Variants in RHBDD1 observed in about 807,000 individuals in gnomAD.
The protein encoded by RHBDD1 is rhomboid domain containing 1, also known as rhomboid-related protein 4.
A neutral mutation model predicts 36.3 loss-of-function variants in RHBDD1; 38 were observed. That is an observed-to-expected ratio of 1.05 (90% CI 0.81 to 1.37). The LOEUF (loss-of-function observed/expected upper bound fraction) is 1.37, where lower values mean the gene tolerates loss of function less well. Ranked by LOEUF, RHBDD1 falls within the 40% of genes most tolerant of loss-of-function variation. The pLI, the probability that RHBDD1 is intolerant of heterozygous loss-of-function variation, is 0.00. For missense variants in RHBDD1, 393 were observed against 377.6 expected (o/e 1.04, Z -0.34); for synonymous variants, 151 against 136.5 (o/e 1.11, Z -0.74).
chr2:226,883,089 A>G (rs954307069), intron 5 of RHBDD1, among the ~76,000 whole-genome samples: 1 of 151,704 alleles, frequency 6.6e-6, no homozygotes, highest in Non-Finnish European at 1.5e-5. Flanking sequence ...GAGAGGACAC[A>G]GTTTGGTCCA....
At chr2:226,950,471 C>T (rs934155134) in intron 8 of RHBDD1, among the ~76,000 whole-genome samples, 29 of 152,202 alleles carry the variant, frequency 1.9e-4, no homozygotes, top group African/African-American at 4.6e-4. Context: ...AGGTTGATTA[C>T]TGGCTATTGT....
chr2:226,873,158 C>T (rs2125315023), intron 5 of RHBDD1, among the ~76,000 whole-genome samples: 1 of 152,314 alleles, frequency 6.6e-6, no homozygotes, highest in South Asian at 2.1e-4. Flanking sequence ...ATCCTGGTTA[C>T]AAATGCACAG....
At chr2:226,969,511 G>A (rs1457867008) in intron 8 of RHBDD1, among the ~76,000 whole-genome samples, 1 of 150,944 alleles carries the variant, frequency 6.6e-6, no homozygotes, top group Non-Finnish European at 1.5e-5. Flanking sequence ...TAGGGAAAGG[G>A]AGTTAAACTA....
chr2:226,821,301 A>G, the RHBDD1 span, among the ~76,000 whole-genome samples: 3 of 152,122 alleles, frequency 2.0e-5, no homozygotes, highest in Non-Finnish European at 4.4e-5. Flanking sequence ...TGCAATAGTG[A>G]CTAGTACTGG....
intron 8 of RHBDD1, among the ~76,000 whole-genome samples, chr2:226,930,307 G>T (rs1207175478): frequency 6.6e-6 from 1 of 152,010 alleles, no homozygotes; most frequent in Non-Finnish European, 1.5e-5. Context: ...TGTAAAAGTC[G>T]ATACAAAGAC....
At chr2:226,963,859 A>G (rs1459801194) in intron 8 of RHBDD1, among the ~76,000 whole-genome samples, 2 of 152,072 alleles carry the variant, frequency 1.3e-5, no homozygotes, top group East Asian at 3.9e-4. Flanking sequence ...CCAACCTCCC[A>G]TCATGAAAAC....
At chr2:226,881,935 A>G (rs939595886) in intron 5 of RHBDD1, among the ~76,000 whole-genome samples, 1 of 152,190 alleles carries the variant, frequency 6.6e-6, no homozygotes, top group South Asian at 2.1e-4. Flanking sequence ...GTTCAGTGTT[A>G]ATGAGTGGTG....
chr2:226,927,231 C>T (rs921681417), intron 8 of RHBDD1, among the ~76,000 whole-genome samples: 2 of 152,044 alleles, frequency 1.3e-5, no homozygotes, highest in Non-Finnish European at 2.9e-5. Context: ...TACTTCTTTC[C>T]CTGAGCAAAG....
intron 3 of RHBDD1, among the ~76,000 whole-genome samples, chr2:226,853,522 C>T (rs1574809377): frequency 6.6e-6 from 1 of 152,160 alleles, no homozygotes; most frequent in Non-Finnish European, 1.5e-5. Flanking sequence ...GGCTTCACGG[C>T]GGAACAGCAC....
chr2:226,936,422 G>A (rs1950333327), intron 8 of RHBDD1, among the ~76,000 whole-genome samples: 1 of 152,080 alleles, frequency 6.6e-6, no homozygotes. Context: ...TTAAAAAAGA[G>A]AGAGAGAGAT....
intron 5 of RHBDD1, among the ~76,000 whole-genome samples, chr2:226,874,944 A>G (rs1945100286): frequency 6.6e-6 from 1 of 152,170 alleles, no homozygotes; most frequent in Non-Finnish European, 1.5e-5. Flanking sequence ...CTGGTTATTC[A>G]AAACCCAAAT....
intron 8 of RHBDD1, among the ~76,000 whole-genome samples, chr2:226,942,954 C>T (rs546765993): frequency 7.2e-5 from 11 of 152,252 alleles, no homozygotes; most frequent in African/African-American, 2.4e-4. Context: ...TGAGAATTTC[C>T]GCTGTTGTCC....
chr2:226,839,988 T>C (rs998265287), intron 3 of RHBDD1, among the ~76,000 whole-genome samples: 1 of 152,198 alleles, frequency 6.6e-6, no homozygotes, highest in Admixed American at 6.5e-5. Flanking sequence ...TATATTTATA[T>C]AGTAAAGTGT....
Position 226,997,734 on chromosome 2 carries a change from C to T in RHBDD1, c.*2212C>T, listed in dbSNP as rs965733148. 1.8e-4 allele frequency: 28 copies of T among 152,228 alleles called. No homozygotes were observed. Among genetic ancestry groups the T allele is most frequent in the Admixed American group, 1.4e-3 (22 of 15,302 alleles). 9.4% of individuals were successfully genotyped at this position (152,228 alleles called of 1,614,324 possible). ...GATTTTGGGTGGTAAAATTGTGATACGCATGGCTGTTGATGGAGTGGAACA... is the reference window on the plus strand; with the variant it reads ...GATTTTGGGTGGTAAAATTGTGATATGCATGGCTGTTGATGGAGTGGAACA... On this transcript the variant is annotated 3_prime_UTR_variant, in exon 9 of 9. Coordinates refer to ENST00000392062, the MANE Select transcript of RHBDD1 (RefSeq NM_001167608.3).
the RHBDD1 span, among the ~76,000 whole-genome samples, chr2:226,819,274 C>T: frequency 6.6e-6 from 1 of 152,152 alleles, no homozygotes; most frequent in Non-Finnish European, 1.5e-5. Context: ...TTAAAGAATG[C>T]TCATTAATCA....
At position 226,921,375 on chromosome 2, in the gene RHBDD1, A is replaced by G. The variant is rs989866256; in HGVS notation, c.856+7024A>G. Reference sequence around the variant, plus strand: ...TCTTTATTACTTCTTTTCTTCTACTATTTTTTCGTTTTGTTAGCTCTTGCT... The same window carrying G: ...TCTTTATTACTTCTTTTCTTCTACTGTTTTTTCGTTTTGTTAGCTCTTGCT... On this transcript the variant is annotated intron_variant, in intron 8 of 8. Coordinates refer to ENST00000392062, the MANE Select transcript of RHBDD1 (RefSeq NM_001167608.3). Among the ~76,000 whole-genome samples the G allele has an allele frequency of 2.7e-5, 4 of 150,588 alleles. No individual in the cohort carries two copies. The East Asian group carries it at 5.9e-4, about 22-fold the overall frequency.
chr2:226,989,075 T>C (rs930929430), intron 8 of RHBDD1, among the ~76,000 whole-genome samples: 1 of 152,224 alleles, frequency 6.6e-6, no homozygotes. Flanking sequence ...GAACATCTCA[T>C]GTCTGAAGGA....
At position 226,864,908 on chromosome 2, in the gene RHBDD1, CCCT is replaced by C. The variant is rs1944199029; in HGVS notation, c.216_218del (p.Leu73del). 1.2e-6 allele frequency: 2 copies of C among 1,614,172 alleles called. No homozygotes were observed. The highest frequency in any genetic ancestry group is 4.5e-5 in the East Asian group (2 of 44,884). On this transcript the variant is annotated inframe_deletion, in exon 4 of 9. Transcript: ENST00000392062. Reference sequence around the variant, plus strand: ...GACTGGCAGCGTTTACTGCTCTCTCCCCTTCACCATGCTGATGATTGGCATTTG... The same window carrying C: ...GACTGGCAGCGTTTACTGCTCTCTCCTCACCATGCTGATGATTGGCATTTG...
chr2:226,864,578 T>A (rs1944159852), intron 3 of RHBDD1, 26 bp from the exon 4 acceptor site: 1 of 814,186 alleles, frequency 1.2e-6, no homozygotes, highest in Non-Finnish European at 2.0e-6. Context: ...TAATTGATGG[T>A]TTTTCACATG....
Sources: gnomAD v4.1 joint callset for allele counts (sites outside exome capture counted in the v4.1 genomes callset) on GRCh38, gnomAD v4.1.1 for gene constraint, MANE v1.5 for transcripts, NCBI Gene and HGNC (gene_info 2026-07-23, HGNC 2026-07-21) for gene names.